The following DOCK3 variants were observed in gnomAD, a reference collection of about 807,000 sequenced individuals.
DOCK3 encodes dedicator of cytokinesis protein 3.
A neutral mutation model predicts 265.6 loss-of-function variants in DOCK3; 60 were observed. That is an observed-to-expected ratio of 0.23 (90% confidence interval 0.18 to 0.28). The LOEUF (loss-of-function observed/expected upper bound fraction) is 0.28. Ranked by LOEUF, DOCK3 falls within the 10% of genes least tolerant of loss-of-function variation. The pLI is 1.00. For missense variants in DOCK3, 1,981 were observed against 2,594.3 expected, an observed-to-expected ratio of 0.76 and a Z score of 5.14; for synonymous variants, 881 against 938.0, an observed-to-expected ratio of 0.94 and a Z score of 1.11.
At chr3:50,692,467 A>G (rs376305871) in intron 1 of DOCK3, among the ~76,000 whole-genome samples, 2 of 152,206 alleles carry the variant, frequency 1.3e-5, no homozygotes, top group East Asian at 3.8e-4. Context: ...ATGAGAATCT[A>G]ATGCCACTGC....
intron 5 of DOCK3, among the ~76,000 whole-genome samples, chr3:51,034,985 G>C (rs2080207394): frequency 1.3e-5 from 2 of 151,916 alleles, no homozygotes. Context: ...GTTTTCCTCT[G>C]ACTTTTTAAG....
chr3:51,006,118 C>T (rs538930643), intron 5 of DOCK3, among the ~76,000 whole-genome samples: 1 of 152,156 alleles, frequency 6.6e-6, no homozygotes, highest in South Asian at 2.1e-4. Flanking sequence ...CTAGAATACT[C>T]CCCCCTTAGT....
Position 50,953,134 on chromosome 3 carries a change from T to C in DOCK3, c.315+19057T>C, listed in dbSNP as rs1223224261. ...AAACTTGATAATCTTTCTTGTTTAA[T>C]TTTAGAATAAACACTCTTTTGAAAT... On this transcript the variant is annotated intron_variant, in intron 5 of 52. Transcript: ENST00000266037. 2.6e-5 allele frequency among the ~76,000 whole-genome samples: 4 copies of C among 152,110 alleles called. No individual in the cohort carries two copies. In the East Asian group the frequency reaches 7.7e-4, roughly 29 times the overall value.
chr3:50,929,979 C>G (rs148766710), intron 4 of DOCK3, among the ~76,000 whole-genome samples: 206 of 152,328 alleles, frequency 1.4e-3, no homozygotes, highest in Non-Finnish European at 2.7e-3. Context: ...ATCCCAGATT[C>G]ATAGTGGAAT....
intron 5 of DOCK3, among the ~76,000 whole-genome samples, chr3:50,983,694 C>T (rs1196597120): frequency 1.3e-5 from 2 of 152,162 alleles, no homozygotes; most frequent in Admixed American, 6.5e-5. Flanking sequence ...TCTTGCTCAT[C>T]CTCCACTTGC....
chr3:50,931,016 C>G (rs1023787761), intron 4 of DOCK3, among the ~76,000 whole-genome samples: 1 of 152,142 alleles, frequency 6.6e-6, no homozygotes, highest in Admixed American at 6.5e-5. Flanking sequence ...TCATGCCCGG[C>G]TGTGTAAGGG....
At chr3:50,705,644 T>C (rs1158902370) in intron 1 of DOCK3, among the ~76,000 whole-genome samples, 40 of 151,794 alleles carry the variant, frequency 2.6e-4, no homozygotes, top group Admixed American at 2.6e-3. Context: ...GTTGATCTCC[T>C]GACCTCTTGA....
In DOCK3 at chr3:51,229,589, A is replaced by G. The variant is rs753779899; in HGVS notation, c.1897A>G (p.Ser633Gly). The change falls in exon 19 of 53, where the codon AGT becomes GGT. Residue 633 changes from serine to glycine, a missense_variant. Physicochemically the swap from Ser to Gly is moderately conservative, Grantham distance 56. This residue lies in a region of DOCK3 where 1,357 missense variants were observed against 1,866.8 expected (regional missense o/e 0.73). Coordinates refer to ENST00000266037, the MANE Select transcript of DOCK3 (RefSeq NM_004947.5). Reference protein sequence around the residue: ...MDVLGRLRHVSGEEIVKFLQD... With the variant: ...MDVLGRLRHVGGEEIVKFLQD... ...TGTACTAGGGCGGCTGCGGCATGTC[A>G]GTGGGGAGGAAATTGTTAAGGTATG... is the stretch of plus-strand genomic sequence containing the variant. 1 of 1,605,168 alleles carries G rather than the reference A, an allele frequency of 6.2e-7. No homozygotes were observed.
At chr3:50,858,080 A>G (rs1252263196) in intron 3 of DOCK3, among the ~76,000 whole-genome samples, 1 of 152,220 alleles carries the variant, frequency 6.6e-6, no homozygotes, top group Non-Finnish European at 1.5e-5. Flanking sequence ...CATATATACC[A>G]TGGAATACTA....
chr3:50,694,125 C>T (rs2035449084), intron 1 of DOCK3, among the ~76,000 whole-genome samples: 1 of 151,854 alleles, frequency 6.6e-6, no homozygotes, highest in African/African-American at 2.4e-5. Flanking sequence ...AAAAAATTAG[C>T]CAGGCGTGGT....
chr3:51,361,315 G>A lies in DOCK3; in HGVS notation c.5007-544G>A, dbSNP rs562024029. On this transcript the variant is annotated intron_variant, in intron 47 of 52. Transcript: ENST00000266037. The surrounding 1 kb of genome is among the most constrained non-coding windows in gnomAD (Gnocchi z 4.2). The stretch of plus-strand genomic sequence containing the variant: ...GGCACTTAGTAAATAAGGGACAAAT[G>A]AATGAGAAGCTTTCCTGGTATTGCT... 6.6e-6 allele frequency among the ~76,000 whole-genome samples: 1 copy of A among 152,318 alleles called. No homozygotes were observed. The highest frequency in any genetic ancestry group is 2.4e-5 in the African/African-American group (1 of 41,584).
chr3:51,284,920 C>T (rs931238360), intron 27 of DOCK3, among the ~76,000 whole-genome samples: 2 of 152,310 alleles, frequency 1.3e-5, no homozygotes, highest in South Asian at 4.1e-4. Context: ...AGACATACAA[C>T]GTTTGCAACA....
Position 50,941,361 on chromosome 3 carries a change from T to C in DOCK3, c.315+7284T>C, listed in dbSNP as rs115254574. ...AGAGTAATGCAAATAATTGCTACAA[T>C]GAGATACTAATATATACCTGTTAGA... On this transcript the variant is annotated intron_variant, in intron 5 of 52. Coordinates refer to ENST00000266037, the MANE Select transcript of DOCK3 (RefSeq NM_004947.5). Among the ~76,000 whole-genome samples the C allele has an allele frequency of 4.0e-3, 616 of 152,208 alleles. 6 individuals carry two copies. Among genetic ancestry groups the C allele is most frequent in the African/African-American group, 0.014 (580 of 41,562 alleles).
intron 2 of DOCK3, among the ~76,000 whole-genome samples, chr3:50,836,955 T>G (rs2045545145): frequency 1.3e-5 from 2 of 152,154 alleles, no homozygotes; most frequent in Non-Finnish European, 2.9e-5. Context: ...AGAGTCACCT[T>G]TATTCCAATT....
chr3:50,921,560 C>G (rs1177370219), intron 4 of DOCK3, among the ~76,000 whole-genome samples: 1 of 152,200 alleles, frequency 6.6e-6, no homozygotes, highest in Non-Finnish European at 1.5e-5. Context: ...CTCAACTCGT[C>G]AAAGTCATTC....
intron 31 of DOCK3, 94 bp downstream of exon 31, chr3:51,312,996 T>TCATA: frequency 8.5e-7 from 1 of 1,178,402 alleles, no homozygotes; most frequent in Non-Finnish European, 1.2e-6. Context: ...TTATGAATGT[T>TCATA]AATTCAGGCC....
At chr3:50,877,712 T>C in intron 3 of DOCK3, 1 of 355,134 alleles carries the variant, frequency 2.8e-6, no homozygotes, top group South Asian at 2.2e-5. Flanking sequence ...TCTCGCTGTG[T>C]CACCAGGCTG....
At chr3:51,320,456 TG>T (rs2083639374) in intron 32 of DOCK3, among the ~76,000 whole-genome samples, 1 of 151,532 alleles carries the variant, frequency 6.6e-6, no homozygotes, top group South Asian at 2.1e-4. Context: ...CCAGGGCACC[TG>T]GAACGCCAGT....
chr3:51,089,406 A>T (rs2082551090), intron 8 of DOCK3, 122 bp downstream of exon 8: 2 of 1,211,414 alleles, frequency 1.7e-6, no homozygotes, highest in Admixed American at 4.8e-5. Context: ...TGGTGTCTTT[A>T]TCTGAGGAGC....
Sources: gnomAD v4.1 joint callset for allele counts (sites outside exome capture counted in the v4.1 genomes callset) on GRCh38, gnomAD v4.1.1 for gene constraint, gnomAD v4.1.1 regional missense constraint, Gnocchi (gnomAD v3.1) non-coding constraint, MANE v1.5 for transcripts, NCBI Gene and HGNC (gene_info 2026-07-23, HGNC 2026-07-21) for gene names.